RNF111: variants seen among roughly 807,000 people sequenced by gnomAD.
RNF111 encodes the protein E3 ubiquitin-protein ligase Arkadia.
Under a neutral mutation model 95.1 loss-of-function variants are expected in RNF111, and 17 were observed. The ratio of observed to expected loss-of-function variants is 0.18; its 90% CI spans 0.12 to 0.27. The LOEUF (loss-of-function observed/expected upper bound fraction) is 0.27, where lower values mean the gene tolerates loss of function less well. Among genes scored for constraint, RNF111 ranks in the 10% least tolerant of loss-of-function variants. The pLI is 1.00. For missense variants in RNF111, 1,189 were observed against 1,210.4 expected (o/e 0.98, Z 0.26); for synonymous variants, 440 against 414.8 (o/e 1.06, Z -0.74).
In RNF111 at chr15:59,095,417, A is replaced by T. The variant is rs1047408606; in HGVS notation, c.*517A>T. 6.3e-6 allele frequency: 1 copy of T among 158,336 alleles called. No homozygotes were observed. Among genetic ancestry groups the T allele is most frequent in the African/African-American group, 2.4e-5 (1 of 41,492 alleles). 9.8% of individuals were successfully genotyped at this position (158,336 alleles called of 1,614,324 possible). On this transcript the variant is annotated 3_prime_UTR_variant, in exon 14 of 14. Transcript: ENST00000348370. ...ACAAAATGGCTGCTGTATATTTACT[A>T]TATGGAGTTCTGAGTTAAATACCAT...
intron 1 of RNF111, among the ~76,000 whole-genome samples, chr15:59,012,148 A>G (rs1238001566): frequency 6.6e-6 from 1 of 150,992 alleles, no homozygotes; most frequent in African/African-American, 2.4e-5. Context: ...CCTTCTGAGT[A>G]GCTGGGATTA....
intron 6 of RNF111, among the ~76,000 whole-genome samples, chr15:59,070,394 T>G (rs888939001): frequency 6.6e-6 from 1 of 152,172 alleles, no homozygotes; most frequent in Non-Finnish European, 1.5e-5. Flanking sequence ...GGAATGTTCT[T>G]AATCACTGAC....
Position 59,096,223 on chromosome 15 carries a change from A to G in RNF111, c.*1323A>G. 5.1e-6 allele frequency: 2 copies of G among 395,728 alleles called. No homozygotes were observed. The highest frequency in any genetic ancestry group is 8.9e-6 in the Non-Finnish European group (2 of 224,378). 24.5% of individuals were successfully genotyped at this position (395,728 alleles called of 1,614,324 possible). A position where few individuals can be genotyped will look rare whatever the true frequency, so the allele number is the denominator to read the frequency against. ...TACTTCAGGATGCATATTATTATCA[A>G]GATACTTTCATATACAGGATAGCCT... On this transcript the variant is annotated 3_prime_UTR_variant, in exon 14 of 14. Coordinates refer to ENST00000348370, the MANE Select transcript of RNF111 (RefSeq NM_017610.8).
intron 1 of RNF111, among the ~76,000 whole-genome samples, chr15:59,013,449 C>T (rs2039922769): frequency 6.6e-6 from 1 of 152,266 alleles, no homozygotes; most frequent in South Asian, 2.1e-4. Flanking sequence ...ATTTTATAGA[C>T]CATCCCTGAA....
intron 1 of RNF111, among the ~76,000 whole-genome samples, chr15:58,989,716 TGA>T (rs1725166199): frequency 6.6e-6 from 1 of 152,212 alleles, no homozygotes; most frequent in African/African-American, 2.4e-5. Context: ...TACAGATTAT[TGA>T]GAGAGAGCTG....
intron 2 of RNF111, chr15:59,050,236 T>G (rs2041920048): frequency 6.6e-6 from 1 of 152,152 alleles, no homozygotes; most frequent in African/African-American, 2.4e-5. Flanking sequence ...GACTAATTAT[T>G]GTATGAGCAG....
At chr15:59,063,038 T>C (rs2042508140) in intron 5 of RNF111, among the ~76,000 whole-genome samples, 1 of 152,224 alleles carries the variant, frequency 6.6e-6, no homozygotes, top group Non-Finnish European at 1.5e-5. Flanking sequence ...CCAGTGTTTC[T>C]GTTCTAATAC....
chr15:59,050,743 C>T (rs1331503613), intron 2 of RNF111, among the ~76,000 whole-genome samples: 1 of 152,164 alleles, frequency 6.6e-6, no homozygotes, highest in East Asian at 1.9e-4. Context: ...AAAATTTCTT[C>T]CTGTCTCCTT....
intron 2 of RNF111, among the ~76,000 whole-genome samples, chr15:59,050,006 C>G (rs796855904): frequency 5.1e-4 from 77 of 151,428 alleles, no homozygotes; most frequent in African/African-American, 1.8e-3. Flanking sequence ...TCCCAAAGTG[C>G]TGGGATTACA....
At chr15:59,059,348 T>C (rs2042336551) in intron 5 of RNF111, among the ~76,000 whole-genome samples, 2 of 152,066 alleles carry the variant, frequency 1.3e-5, no homozygotes, top group Middle Eastern at 3.4e-3. Flanking sequence ...CAAACAAAAA[T>C]AGAAAATCAC....
intron 2 of RNF111, among the ~76,000 whole-genome samples, chr15:59,032,656 G>C (rs2040971575): frequency 6.6e-6 from 1 of 152,098 alleles, no homozygotes; most frequent in Non-Finnish European, 1.5e-5. Flanking sequence ...CCTTAGCTCA[G>C]GCGATCCACC....
chr15:59,027,448 TCA>T (rs1389405165), intron 1 of RNF111, among the ~76,000 whole-genome samples: 1 of 152,174 alleles, frequency 6.6e-6, no homozygotes, highest in Non-Finnish European at 1.5e-5. Context: ...TTTAGTATAT[TCA>T]CAGAGTTGAA....
At chr15:58,990,632 C>G (rs147164553) in intron 1 of RNF111, among the ~76,000 whole-genome samples, 15 of 152,132 alleles carry the variant, frequency 9.9e-5, no homozygotes, top group Non-Finnish European at 2.1e-4. Context: ...CCAGCTTGGG[C>G]GACAGAGCGA....
chr15:59,056,145 C>T (rs2042191593), intron 4 of RNF111, among the ~76,000 whole-genome samples: 1 of 152,128 alleles, frequency 6.6e-6, no homozygotes, highest in South Asian at 2.1e-4. Flanking sequence ...TTGTCTTTAA[C>T]TTGCCATGAA....
chr15:59,070,233 A>G (rs2042858396), intron 6 of RNF111, among the ~76,000 whole-genome samples: 1 of 151,658 alleles, frequency 6.6e-6, no homozygotes, highest in Non-Finnish European at 1.5e-5. Flanking sequence ...ATGTCCCATC[A>G]CTATACTCAT....
chr15:59,069,181 G>A (rs890623686), intron 6 of RNF111, among the ~76,000 whole-genome samples: 1 of 151,860 alleles, frequency 6.6e-6, no homozygotes, highest in Non-Finnish European at 1.5e-5. Context: ...GATTTTAGAT[G>A]TCATTTCGGT....
chr15:59,084,332 T>C (rs12915899), intron 9 of RNF111, 78 bp downstream of exon 9: 337,083 of 1,337,408 alleles, frequency 0.25, 44,179 homozygotes, highest in East Asian at 0.42. Flanking sequence ...TTGTGATTGA[T>C]TGCTTTGCAG....
intron 1 of RNF111, among the ~76,000 whole-genome samples, chr15:59,019,647 A>T (rs993640324): frequency 2.0e-5 from 3 of 152,146 alleles, no homozygotes; most frequent in Non-Finnish European, 2.9e-5. Flanking sequence ...ACTTTTAAAC[A>T]TGTTATTATT....
At chr15:59,050,674 A>G (rs1370807206) in intron 2 of RNF111, among the ~76,000 whole-genome samples, 4 of 152,254 alleles carry the variant, frequency 2.6e-5, no homozygotes, top group Admixed American at 6.5e-5. Flanking sequence ...GGAAAGAGCT[A>G]TAACACCTGT....
Sources: allele counts gnomAD v4.1 joint callset (sites outside exome capture counted in the v4.1 genomes callset), GRCh38; gene constraint gnomAD v4.1.1; transcripts MANE v1.5; gene names NCBI Gene and HGNC (gene_info 2026-07-23, HGNC 2026-07-21).